Variants in DLG5 observed in about 807,000 individuals in gnomAD.
DLG5 encodes the protein disks large homolog 5.
DLG5 carries 48 observed loss-of-function variants against 189.8 expected under a neutral mutation model. The ratio of observed to expected loss-of-function variants is 0.25; its 90% CI spans 0.20 to 0.32. The LOEUF is 0.32. Among genes scored for constraint, DLG5 ranks in the 10% least tolerant of loss-of-function variants. The pLI is 1.00. For synonymous variants in DLG5, 1,016 were observed against 1,054.1 expected, an observed-to-expected ratio of 0.96 and a Z score of 0.70; for missense variants, 2,160 against 2,544.7, an observed-to-expected ratio of 0.85 and a Z score of 3.25.
At chr10:77,872,833 A>G (rs1046865447) in intron 1 of DLG5, among the ~76,000 whole-genome samples, 1 of 151,928 alleles carries the variant, frequency 6.6e-6, no homozygotes, top group Non-Finnish European at 1.5e-5. Context: ...GGTGCTCCTC[A>G]TCTTCTGCCA....
intron 2 of DLG5, among the ~76,000 whole-genome samples, chr10:77,865,984 G>T (rs1207756470): frequency 6.6e-6 from 1 of 152,202 alleles, no homozygotes; most frequent in South Asian, 2.1e-4. Context: ...TTCCATTTAG[G>T]GAGATGTAAA....
intron 13 of DLG5, among the ~76,000 whole-genome samples, chr10:77,827,717 G>C (rs1842708521): frequency 6.6e-6 from 1 of 152,114 alleles, no homozygotes; most frequent in African/African-American, 2.4e-5. Flanking sequence ...TCCATCAATA[G>C]GTGGATAATT....
At chr10:77,887,345 C>A (rs1039350039) in intron 1 of DLG5, among the ~76,000 whole-genome samples, 1 of 152,214 alleles carries the variant, frequency 6.6e-6, no homozygotes, top group African/African-American at 2.4e-5. Context: ...CACTCAGCAG[C>A]TGCAGTCCTA....
intron 1 of DLG5, among the ~76,000 whole-genome samples, chr10:77,870,772 A>AGAAATGGGGG (rs1844865254): frequency 6.6e-6 from 1 of 151,770 alleles, no homozygotes; most frequent in Admixed American, 6.6e-5. Context: ...GGAGAAATGA[A>AGAAATGGGGG]GAAATGGGGG....
intron 17 of DLG5, among the ~76,000 whole-genome samples, chr10:77,818,873 T>A (rs2154575535): frequency 6.6e-6 from 1 of 152,274 alleles, no homozygotes; most frequent in South Asian, 2.1e-4. Context: ...TATCCTCTTA[T>A]AATTAGGATA....
At chr10:77,838,417 G>T (rs1175676719) in intron 7 of DLG5, among the ~76,000 whole-genome samples, 2 of 152,158 alleles carry the variant, frequency 1.3e-5, no homozygotes, top group African/African-American at 4.8e-5. Flanking sequence ...TGAGGCAGGA[G>T]GGCGGCCTTA....
chr10:77,820,343 C>T (rs3740250), intron 15 of DLG5: 50,024 of 151,892 alleles, frequency 0.33, 8,010 homozygotes, highest in Non-Finnish European at 0.34. Flanking sequence ...GAGACTCCAT[C>T]TTAGGGGAAA....
chr10:77,795,389 C>T (rs1840859099), intron 29 of DLG5, among the ~76,000 whole-genome samples: 1 of 152,120 alleles, frequency 6.6e-6, no homozygotes, highest in African/African-American at 2.4e-5. Flanking sequence ...GGAGTGCAGG[C>T]CCGTGCACTC....
intron 3 of DLG5, among the ~76,000 whole-genome samples, chr10:77,854,695 T>G (rs1319749789): frequency 6.6e-6 from 1 of 152,090 alleles, no homozygotes; most frequent in Non-Finnish European, 1.5e-5. Context: ...GAAATGTCTC[T>G]TCTCTGTAGG....
chr10:77,837,447 G>A (rs149131405), intron 7 of DLG5, among the ~76,000 whole-genome samples: 115 of 152,226 alleles, frequency 7.6e-4, no homozygotes, highest in Non-Finnish European at 1.6e-3. Flanking sequence ...CGCAGGAGGT[G>A]GGCAGCTCCC....
intron 1 of DLG5, among the ~76,000 whole-genome samples, chr10:77,881,301 G>A (rs1245260862): frequency 1.3e-5 from 2 of 152,076 alleles, no homozygotes; most frequent in Non-Finnish European, 2.9e-5. Context: ...CCCTCGCCCA[G>A]TGTCAACACT....
chr10:77,884,589 T>TAA (rs1360010270), intron 1 of DLG5, among the ~76,000 whole-genome samples: 8 of 152,306 alleles, frequency 5.3e-5, no homozygotes, highest in Non-Finnish European at 1.2e-4. Context: ...TGATTGGAAT[T>TAA]AAACTCTGCA....
chr10:77,806,962 G>A (rs772060824), intron 25 of DLG5, 34 bp from the exon 26 acceptor site: 12 of 1,589,802 alleles, frequency 7.5e-6, no homozygotes, highest in African/African-American at 5.4e-5. Flanking sequence ...ACGATCAGGC[G>A]GCTCTGGCCA....
rs773304401 is a variant in DLG5 at position 77,822,006 on chromosome 10, C to G, written c.2478G>C (p.Glu826Asp). The change falls in exon 15 of 32, where the codon GAG (glutamate) becomes GAC (aspartate). Residue 826 changes from glutamate to aspartate, a missense_variant. Glu to Asp is a conservative substitution (Grantham distance 45). Around this residue, in one of 5 missense-constraint regions of DLG5, gnomAD observed 754 missense variants for 746.5 expected, o/e 1.01. Transcript: ENST00000372391. ...KMLSFRAHGP[E>D]VQAHNKRNLI... is the part of the protein sequence containing the mutation. ...AGTTCCGTTTGTTATGAGCCTGGACCTCCGGGCCATGGGCTCGAAAACTCA... is the reference window on the plus strand; with the variant it reads ...AGTTCCGTTTGTTATGAGCCTGGACGTCCGGGCCATGGGCTCGAAAACTCA... 6.2e-7 allele frequency: 1 copy of G among 1,614,234 alleles called. No individual in the cohort carries two copies.
Position 77,856,777 on chromosome 10 carries a change from G to A in DLG5, c.489C>T (p.Leu163=). 1.2e-6 allele frequency: 2 copies of A among 1,613,600 alleles called. No homozygotes were observed. The highest frequency in any genetic ancestry group is 1.7e-6 in the Non-Finnish European group (2 of 1,180,018). ...GCGTAGCAAAGGCCAGGCGCTTGCG[G>A]AGCTCGTTTCTCTCCCGGGTCATCA... ...LRLMTRERNE[L]RKRLAFATHG... The change falls in exon 3 of 32, where the codon CTC becomes CTT. Residue 163 remains leucine (L), a synonymous_variant. Coordinates refer to ENST00000372391, the MANE Select transcript of DLG5 (RefSeq NM_004747.4).
chr10:77,868,191 AG>A, intron 2 of DLG5: 2 of 436,912 alleles, frequency 4.6e-6, no homozygotes, highest in Non-Finnish European at 9.3e-6. Flanking sequence ...TTGTTATAGC[AG>A]CCCTAGAAAA....
chr10:77,799,156 C>A (rs1292668907), intron 27 of DLG5, among the ~76,000 whole-genome samples: 3 of 152,146 alleles, frequency 2.0e-5, no homozygotes, highest in Non-Finnish European at 4.4e-5. Context: ...CTGACTCCAA[C>A]TGGAGAAGAA....
rs1474659069 is a variant in DLG5 at position 77,926,003 on chromosome 10, A to C, written c.304+214T>G. Among the ~76,000 whole-genome samples, 1 of 152,160 alleles carries C rather than the reference A, an allele frequency of 6.6e-6. No homozygotes were observed. The highest frequency in any genetic ancestry group is 2.4e-5 in the African/African-American group (1 of 41,458). ...GAGGCACCTGAGAGTGAAGGCCTTC[A>C]GCGGGGGGCATTGTTCACAGCGAAC... On this transcript the variant is annotated intron_variant, in intron 1 of 31. Transcript: ENST00000372391. This position sits in a 1 kb window ranked among gnomAD's most constrained non-coding sequence, Gnocchi z 5.2.
At chr10:77,873,419 A>G (rs1333574591) in intron 1 of DLG5, among the ~76,000 whole-genome samples, 1 of 152,144 alleles carries the variant, frequency 6.6e-6, no homozygotes, top group Non-Finnish European at 1.5e-5. Context: ...GGAGGAAGCC[A>G]GCCTGGTGAC....
Sources: allele counts gnomAD v4.1 joint callset (sites outside exome capture counted in the v4.1 genomes callset), GRCh38; gene constraint gnomAD v4.1.1; regional missense constraint gnomAD v4.1.1; non-coding constraint Gnocchi (gnomAD v3.1); transcripts MANE v1.5; gene names NCBI Gene and HGNC (gene_info 2026-07-23, HGNC 2026-07-21).